Variants in ANKFN1 observed in about 807,000 individuals in gnomAD.
ANKFN1 encodes the protein ankyrin repeat and fibronectin type-III domain-containing protein 1.
A neutral mutation model predicts 108.7 loss-of-function variants in ANKFN1; 74 were observed. The ratio of observed to expected loss-of-function variants is 0.68; its 90% CI spans 0.56 to 0.83. ANKFN1 has a LOEUF of 0.83. Among genes scored for constraint, ANKFN1 ranks in the 40% least tolerant of loss-of-function variants. ANKFN1 has a pLI of 0.00. For synonymous variants in ANKFN1, 547 were observed against 516.2 expected (o/e 1.06, Z -0.81); for missense variants, 1,505 against 1,382.3 (o/e 1.09, Z -1.41).
At chr17:56,066,083 G>C (rs1229365982) in intron 4 of ANKFN1, among the ~76,000 whole-genome samples, 1 of 152,246 alleles carries the variant, frequency 6.6e-6, no homozygotes, top group African/African-American at 2.4e-5. Context: ...AGGATTACCT[G>C]AGACATTGGA....
rs1555588763 is a variant in ANKFN1 at position 56,055,566 on chromosome 17, C to CATACATATATATATAT, written c.288+9244_288+9245insCATATATATATATATA. ...TATATGTGTGTGTGTGGTATATATA[C>CATACATATATATATAT]ATATATATATATATATATATATGTA... is the stretch of plus-strand genomic sequence containing the variant. On this transcript the variant is annotated intron_variant, in intron 4 of 12. Transcript: ENST00000635860. 7.6e-4 allele frequency among the ~76,000 whole-genome samples: 36 copies of CATACATATATATATAT among 47,460 alleles called. 2 individuals carry two copies. The highest frequency in any genetic ancestry group is 4.6e-3 in the African/African-American group (35 of 7,582). 31.1% of individuals were successfully genotyped at this position (47,460 alleles called of 152,430 possible).
intron 4 of ANKFN1, among the ~76,000 whole-genome samples, chr17:56,326,938 G>A (rs1200319918): frequency 6.6e-6 from 1 of 152,200 alleles, no homozygotes; most frequent in East Asian, 1.9e-4. Context: ...CAATGGACAT[G>A]TATTTAAATC....
chr17:56,456,555 A>C (rs1019005767), intron 11 of ANKFN1, among the ~76,000 whole-genome samples: 1 of 151,500 alleles, frequency 6.6e-6, no homozygotes, highest in African/African-American at 2.4e-5. Context: ...GCGCCACCAC[A>C]CCCTGCTAAT....
At chr17:56,197,821 T>A (rs1229428890) in intron 1 of ANKFN1, among the ~76,000 whole-genome samples, 1 of 152,210 alleles carries the variant, frequency 6.6e-6, no homozygotes, top group Non-Finnish European at 1.5e-5. Context: ...GGGACCAGTT[T>A]CGTGGAAGAC....
chr17:56,220,881 A>G (rs1598263230), intron 2 of ANKFN1, among the ~76,000 whole-genome samples: 4 of 52,368 alleles, frequency 7.6e-5, no homozygotes, highest in African/African-American at 6.5e-4. Context: ...GGAGGGAGGG[A>G]GGGAGGGAGG....
intron 3 of ANKFN1, among the ~76,000 whole-genome samples, chr17:56,276,065 G>A (rs2043924221): frequency 6.6e-6 from 1 of 151,872 alleles, no homozygotes; most frequent in Admixed American, 6.6e-5. Context: ...CCCACCCTGT[G>A]TCCATGTGTT....
chr17:56,382,894 C>A (rs1479230037), intron 8 of ANKFN1, among the ~76,000 whole-genome samples: 4 of 151,856 alleles, frequency 2.6e-5, no homozygotes, highest in African/African-American at 9.7e-5. Flanking sequence ...ACTTTAACAC[C>A]CCACTGTCAA....
intron 1 of ANKFN1, among the ~76,000 whole-genome samples, chr17:56,188,382 G>A (rs150763907): frequency 0.018 from 2,731 of 151,342 alleles, 50 homozygotes; most frequent in Non-Finnish European, 0.026. Flanking sequence ...CTTCTAGGGG[G>A]TTTAAAAGAT....
intron 8 of ANKFN1, among the ~76,000 whole-genome samples, chr17:56,406,526 A>G (rs765513738): frequency 5.3e-5 from 8 of 152,162 alleles, no homozygotes; most frequent in Non-Finnish European, 1.0e-4. Flanking sequence ...AAATGACAGG[A>G]GTGTTTACGT....
intron 3 of ANKFN1, among the ~76,000 whole-genome samples, chr17:56,270,960 C>T (rs1006697514): frequency 1.3e-5 from 2 of 152,104 alleles, no homozygotes; most frequent in African/African-American, 4.8e-5. Flanking sequence ...GCACTTAGCA[C>T]CACCACCTAA....
chr17:56,155,307 A>C (rs1253383408), intron 1 of ANKFN1, among the ~76,000 whole-genome samples: 3 of 152,118 alleles, frequency 2.0e-5, no homozygotes, highest in Admixed American at 2.0e-4. Context: ...CAGTACTGTC[A>C]TTTGTTCTGA....
Position 56,212,609 on chromosome 17 carries a change from T to C in ANKFN1, c.-59T>C, listed in dbSNP as rs1042551660. On this transcript the variant is annotated 5_prime_UTR_variant, in exon 2 of 21. Coordinates refer to ENST00000682825, the MANE Select transcript of ANKFN1 (RefSeq NM_001370326.1). The stretch of plus-strand genomic sequence containing the variant: ...CTCTTTTGGAATAGTGCCAATAGGA[T>C]AAGAAATAAGCTGTATGAAGAAATC... Among the ~76,000 whole-genome samples the C allele has an allele frequency of 2.0e-5, 3 of 152,138 alleles. No individual in the cohort carries two copies. The highest frequency in any genetic ancestry group is 2.9e-5 in the Non-Finnish European group (2 of 68,020).
chr17:56,172,740 A>C (rs1252389780), intron 1 of ANKFN1, among the ~76,000 whole-genome samples: 1 of 152,176 alleles, frequency 6.6e-6, no homozygotes, highest in Non-Finnish European at 1.5e-5. Context: ...GCATCCAGGG[A>C]GTGCTGGAGT....
chr17:56,286,764 C>T (rs994180461), intron 3 of ANKFN1, among the ~76,000 whole-genome samples: 4 of 152,104 alleles, frequency 2.6e-5, no homozygotes, highest in African/African-American at 4.8e-5. Context: ...AAAGAACATT[C>T]GACTACTACC....
intron 8 of ANKFN1, among the ~76,000 whole-genome samples, chr17:56,410,037 A>G (rs1234514436): frequency 2.0e-5 from 3 of 152,202 alleles, no homozygotes; most frequent in Non-Finnish European, 2.9e-5. Context: ...GCCAATTTTA[A>G]GAGGTAAAAC....
At chr17:56,320,492 C>A (rs554209023) in intron 3 of ANKFN1, among the ~76,000 whole-genome samples, 74 of 152,242 alleles carry the variant, frequency 4.9e-4, no homozygotes, top group African/African-American at 1.8e-3. Flanking sequence ...ATAAATGGGG[C>A]TTTGTGACCT....
intron 4 of ANKFN1, among the ~76,000 whole-genome samples, chr17:56,329,355 A>G (rs1422880388): frequency 7.2e-5 from 11 of 152,096 alleles, no homozygotes; most frequent in Admixed American, 7.2e-4. Context: ...AAGCTGAACT[A>G]TTATACCTAG....
At chr17:56,480,856 G>A in intron 17 of ANKFN1, 38 bp downstream of exon 17, 2 of 1,592,890 alleles carry the variant, frequency 1.3e-6, no homozygotes, top group Non-Finnish European at 1.7e-6. Context: ...TTTTTTTATG[G>A]CTCATGGAAA....
chr17:56,286,393 G>A (rs566984234), intron 3 of ANKFN1, among the ~76,000 whole-genome samples: 1 of 152,302 alleles, frequency 6.6e-6, no homozygotes, highest in Non-Finnish European at 1.5e-5. Flanking sequence ...ACGTGCTGGG[G>A]ATAGCTTGTC....
Sources: gnomAD v4.1 joint callset for allele counts (sites outside exome capture counted in the v4.1 genomes callset) on GRCh38, gnomAD v4.1.1 for gene constraint, MANE v1.5 for transcripts, NCBI Gene and HGNC (gene_info 2026-07-23, HGNC 2026-07-21) for gene names.